STARD9: variants seen among roughly 807,000 people sequenced by gnomAD.
The protein encoded by STARD9 is StAR related lipid transfer domain containing 9.
STARD9 carries 346 observed loss-of-function variants against 399.8 expected under a neutral mutation model. The observed-to-expected ratio is 0.87, with a 90% confidence interval of 0.79 to 0.95. STARD9 has a LOEUF of 0.95. STARD9 is among the 40% of genes least tolerant of loss of function. The pLI is 0.00. For missense variants in STARD9, 5,832 were observed against 5,667.5 expected (o/e 1.03, Z -0.93); for synonymous variants, 2,203 against 2,143.5 (o/e 1.03, Z -0.77).
rs2060740141 is a variant in STARD9 at position 42,692,710 on chromosome 15, A to C, written c.11132A>C (p.Lys3711Thr). The C allele has an allele frequency of 1.3e-6, 2 of 1,536,896 alleles. No individual in the cohort carries two copies. Among genetic ancestry groups the C allele is most frequent in the African/African-American group, 2.7e-5 (2 of 72,962 alleles). ...PDVARREQNT[K>T]RDIPDKAPQA... The stretch of plus-strand genomic sequence containing the variant: ...GTGGCCAGAAGGGAGCAGAACACCA[A>C]GAGGGACATCCCAGATAAAGCCCCA... The change falls in exon 23 of 33, where the codon AAG (lysine) becomes ACG (threonine). Residue 3711 changes from lysine to threonine, a missense_variant. Lys to Thr is a moderately conservative substitution (Grantham distance 78, BLOSUM62 -1). Coordinates refer to ENST00000290607, the MANE Select transcript of STARD9 (RefSeq NM_020759.3).
Position 42,693,949 on chromosome 15 carries a change from T to C in STARD9, c.12371T>C (p.Met4124Thr). Residue 4124 changes from methionine to threonine, a missense_variant, in exon 23 of 33, where the codon ATG (methionine) becomes ACG (threonine). By Grantham distance (81) the Met-to-Thr change is moderately conservative. This residue lies in a region of STARD9 where 5,828 missense variants were observed against 5,651.1 expected (regional missense o/e 1.03). Transcript: ENST00000290607. ...CTGTGCTTCAGTTGCCAGATGTGCA[T>C]GGCCCCTGAGCACCAGCACCACAGT... is the stretch of plus-strand genomic sequence containing the variant. ...ELLCFSCQMC[M>T]APEHQHHSLR... The C allele has an allele frequency of 6.6e-7, 1 of 1,504,828 alleles. No homozygotes were observed. The highest frequency in any genetic ancestry group is 1.4e-5 in the African/African-American group (1 of 72,432). The allele number at this position is 1,504,828 out of a possible 1,614,324, so 93.2% of individuals were successfully genotyped here.
rs2140227289 is a variant in STARD9, at chr15:42,684,837, A to C, written c.3259A>C (p.Ser1087Arg). Residue 1087 changes from serine to arginine, a missense_variant, in exon 23 of 33, where the codon AGC becomes CGC. This residue lies in a region of STARD9 where 5,828 missense variants were observed against 5,651.1 expected (regional missense o/e 1.03). Coordinates refer to ENST00000290607, the MANE Select transcript of STARD9 (RefSeq NM_020759.3). ...PDTMVPLTDF[S>R]PVMDHSREKD... Reference sequence around the variant, plus strand: ...CACCATGGTCCCACTCACAGATTTCAGCCCAGTAATGGATCATTCAAGAGA... The same window carrying C: ...CACCATGGTCCCACTCACAGATTTCCGCCCAGTAATGGATCATTCAAGAGA... 1 of 1,537,210 alleles carries C rather than the reference A, an allele frequency of 6.5e-7. No individual in the cohort carries two copies. Among genetic ancestry groups the C allele is most frequent in the South Asian group, 1.2e-5 (1 of 84,060 alleles).
intron 9 of STARD9, among the ~76,000 whole-genome samples, chr15:42,659,454 A>G (rs1428092207): frequency 6.6e-6 from 1 of 152,112 alleles, no homozygotes; most frequent in Non-Finnish European, 1.5e-5. Flanking sequence ...GTTTTCATAC[A>G]CTGCTCTGCT....
At chr15:42,597,523 A>G (rs2141727356) in intron 3 of STARD9, among the ~76,000 whole-genome samples, 1 of 151,800 alleles carries the variant, frequency 6.6e-6, no homozygotes, top group East Asian at 1.9e-4. Flanking sequence ...GCCTGCCACC[A>G]TGCCTGGCTA....
chr15:42,676,044 TC>T, intron 20 of STARD9, 69 bp downstream of exon 20: 1 of 514,398 alleles, frequency 1.9e-6, no homozygotes. Flanking sequence ...ACAGCATGGA[TC>T]AGGGTGGGGG....
At chr15:42,596,744 T>C (rs190601201) in intron 3 of STARD9, among the ~76,000 whole-genome samples, 1 of 152,332 alleles carries the variant, frequency 6.6e-6, no homozygotes, top group East Asian at 1.9e-4. Flanking sequence ...TCTATTTCTG[T>C]GCTCAGCAGA....
chr15:42,595,716 C>T (rs1231641149), intron 3 of STARD9, among the ~76,000 whole-genome samples: 2 of 152,144 alleles, frequency 1.3e-5, no homozygotes, highest in East Asian at 1.9e-4. Context: ...ATCACTAGTG[C>T]TGGTTTTTTT....
intron 7 of STARD9, among the ~76,000 whole-genome samples, chr15:42,650,660 A>G (rs1444086121): frequency 6.6e-6 from 1 of 152,194 alleles, no homozygotes; most frequent in African/African-American, 2.4e-5. Flanking sequence ...TTGTGGGGAA[A>G]ACAACACTGG....
intron 3 of STARD9, among the ~76,000 whole-genome samples, chr15:42,611,940 A>G (rs2058857981): frequency 6.6e-6 from 1 of 152,178 alleles, no homozygotes; most frequent in South Asian, 2.1e-4. Context: ...AGAGTTGATC[A>G]GTTAATCTTT....
chr15:42,627,254 C>A (rs2059244561), intron 3 of STARD9, among the ~76,000 whole-genome samples: 1 of 152,026 alleles, frequency 6.6e-6, no homozygotes, highest in Admixed American at 6.6e-5. Context: ...TGTGATTGTG[C>A]CACTGTACTC....
intron 1 of STARD9, chr15:42,581,589 A>C (rs2058172105): frequency 2.5e-6 from 2 of 786,244 alleles, no homozygotes; most frequent in South Asian, 1.6e-5. Flanking sequence ...AGCTCTGCGC[A>C]CTCCTCGCTC....
At chr15:42,643,400 T>G (rs1185203957) in intron 7 of STARD9, among the ~76,000 whole-genome samples, 2 of 152,160 alleles carry the variant, frequency 1.3e-5, no homozygotes, top group African/African-American at 4.8e-5. Context: ...TTCACCATAT[T>G]GGTCAGGCTG....
chr15:42,673,697 A>G (rs767248524), intron 16 of STARD9, among the ~76,000 whole-genome samples: 4 of 152,236 alleles, frequency 2.6e-5, no homozygotes, highest in Non-Finnish European at 5.9e-5. Flanking sequence ...TGATAAAGAT[A>G]TGTCTAAAAT....
chr15:42,695,373 C>A lies in STARD9; in HGVS notation c.13146+50C>A, dbSNP rs765750476. 4.6e-5 allele frequency: 67 copies of A among 1,447,582 alleles called. 4 individuals are homozygous for A. The South Asian group carries it at 8.8e-4, about 19-fold the overall frequency. The allele number at this position is 1,447,582 out of a possible 1,614,324, so 89.7% of individuals were successfully genotyped here. A position where few individuals can be genotyped will look rare whatever the true frequency, so the allele number is the denominator to read the frequency against. ...TTTCAGGATAGGCCTGGACCTCAGACTGGTACACCTTCACCGTGGCCGCCT... is the reference window on the plus strand; with the variant it reads ...TTTCAGGATAGGCCTGGACCTCAGAATGGTACACCTTCACCGTGGCCGCCT... On this transcript the variant is annotated intron_variant, in intron 25 of 32. Coordinates refer to ENST00000290607, the MANE Select transcript of STARD9 (RefSeq NM_020759.3).
intron 3 of STARD9, among the ~76,000 whole-genome samples, chr15:42,632,023 A>G (rs1383309696): frequency 2.0e-5 from 3 of 152,168 alleles, no homozygotes; most frequent in Non-Finnish European, 4.4e-5. Context: ...GATCTTTCCA[A>G]TGCTGAAAGT....
intron 4 of STARD9, among the ~76,000 whole-genome samples, chr15:42,635,519 C>T (rs3106286): frequency 0.66 from 100,364 of 151,586 alleles, 36,368 homozygotes; most frequent in East Asian, 0.89. Flanking sequence ...TTAGTAGAGA[C>T]GGGGTTTCAC....
At position 42,681,583 on chromosome 15, in the gene STARD9, A is replaced by C. The variant is rs1479349927; in HGVS notation, c.2036A>C (p.Gln679Pro). Residue 679 changes from glutamine (Q) to proline (P), a missense_variant, in exon 21 of 33, where the codon CAA becomes CCA. Physicochemically the swap from Gln to Pro is moderately conservative, Grantham distance 76. Around this residue, in one of 2 missense-constraint regions of STARD9, gnomAD observed 5,828 missense variants for 5,651.1 expected, o/e 1.03. Coordinates refer to ENST00000290607, the MANE Select transcript of STARD9 (RefSeq NM_020759.3). ...IRAAKELEFD[Q>P]AWISQQIKEN... is the part of the protein sequence containing the mutation. Reference sequence around the variant, plus strand: ...GCTGCGAAGGAACTGGAATTTGACCAAGCTTGGATTAGCCAGCAGATTAAA... The same window carrying C: ...GCTGCGAAGGAACTGGAATTTGACCCAGCTTGGATTAGCCAGCAGATTAAA... 1 of 1,537,142 alleles carries C rather than the reference A, an allele frequency of 6.5e-7. No homozygotes were observed. Among genetic ancestry groups the C allele is most frequent in the South Asian group, 1.2e-5 (1 of 84,038 alleles).
intron 18 of STARD9, 64 bp downstream of exon 18, chr15:42,675,028 C>A: frequency 7.0e-7 from 1 of 1,419,052 alleles, no homozygotes; most frequent in Non-Finnish European, 9.2e-7. Context: ...GTTTCATGGG[C>A]CCAAAGAGCT....
chr15:42,710,716 A>G (rs139802108), intron 26 of STARD9, among the ~76,000 whole-genome samples: 13 of 152,334 alleles, frequency 8.5e-5, no homozygotes, highest in African/African-American at 3.1e-4. Flanking sequence ...ATAGTTCTGT[A>G]GGCTAGAAGT....
Sources: gnomAD v4.1 joint callset for allele counts (sites outside exome capture counted in the v4.1 genomes callset) on GRCh38, gnomAD v4.1.1 for gene constraint, gnomAD v4.1.1 regional missense constraint, MANE v1.5 for transcripts, NCBI Gene and HGNC (gene_info 2026-07-23, HGNC 2026-07-21) for gene names.